SUMF2: variants seen among roughly 807,000 people sequenced by gnomAD.
SUMF2 encodes sulfatase modifying factor 2.
A neutral mutation model predicts 44.8 loss-of-function variants in SUMF2; 45 were observed. That is an observed-to-expected ratio of 1.00 (90% CI 0.79 to 1.29). The LOEUF is 1.29. Among genes scored for constraint, SUMF2 ranks in the 50% most tolerant of loss-of-function variants. SUMF2 has a pLI of 0.00. For missense variants in SUMF2, 418 were observed against 389.9 expected (o/e 1.07, Z -0.61); for synonymous variants, 148 against 150.4 (o/e 0.98, Z 0.12).
At position 56,079,522 on chromosome 7, in the gene SUMF2, T is replaced by C; in HGVS notation, c.822-6T>C. The stretch of plus-strand genomic sequence containing the variant: ...GTCTGTCCTCTCTCCCCTTCTCTGC[T>C]GGCAGGATGGGCAACACTCCAGATT... On this transcript the variant is annotated splice_region_variant and splice_polypyrimidine_tract_variant and intron_variant, in intron 8 of 8. Coordinates refer to ENST00000434526, the MANE Select transcript of SUMF2 (RefSeq NM_015411.4). 3 of 1,610,388 alleles carry C rather than the reference T, an allele frequency of 1.9e-6. No individual in the cohort carries two copies. Among genetic ancestry groups the C allele is most frequent in the Non-Finnish European group, 2.5e-6 (3 of 1,177,312 alleles).
rs542909238 is a variant in SUMF2, at chr7:56,079,572, G to A, written c.866G>A (p.Arg289His). ...PDSASDNLGF[R>H]CAADAGRPPG... ...TCAGCCTCAGACAACCTCGGTTTCC[G>A]CTGTGCTGCAGACGCAGGCCGGCCG... Residue 289 changes from arginine to histidine, a missense_variant, in exon 9 of 9, where the codon CGC becomes CAC. Physicochemically the swap from Arg to His is conservative, Grantham distance 29. Coordinates refer to ENST00000434526, the MANE Select transcript of SUMF2 (RefSeq NM_015411.4). 5.7e-5 allele frequency: 92 copies of A among 1,614,170 alleles called. 1 individual carries two copies. In the Middle Eastern group the frequency reaches 9.9e-4, roughly 17 times the overall value.
At position 56,064,304 on chromosome 7, in the gene SUMF2, C is replaced by T. The variant is rs374815604; in HGVS notation, c.-8C>T. The T allele has an allele frequency of 7.6e-6, 12 of 1,586,220 alleles. No individual in the cohort carries two copies. The African/African-American group carries it at 1.6e-4, about 21-fold the overall frequency. ...CGTGGGTGTACGCGGCGCAGCGCGG[C>T]AGTCCTGATGGCCCGGCATGGGTTA... On this transcript the variant is annotated 5_prime_UTR_variant, in exon 1 of 9. Coordinates refer to ENST00000434526, the MANE Select transcript of SUMF2 (RefSeq NM_015411.4).
At chr7:56,079,497 G>A in intron 8 of SUMF2, 31 bp from the exon 9 acceptor site, 1 of 1,595,880 alleles carries the variant, frequency 6.3e-7, no homozygotes, top group Non-Finnish European at 8.5e-7. Flanking sequence ...CTCAGGACGT[G>A]TCTGTCCTCT....
intron 8 of SUMF2, 54 bp from the exon 9 acceptor site, chr7:56,079,474 C>T: frequency 6.4e-7 from 1 of 1,551,960 alleles, no homozygotes; most frequent in South Asian, 1.2e-5. Context: ...ATGGGTAAGC[C>T]CTAGGCCTTT....
chr7:56,079,018 C>T (rs1188700956), intron 8 of SUMF2: 1 of 605,124 alleles, frequency 1.7e-6, no homozygotes, highest in Non-Finnish European at 3.0e-6. Context: ...CACCTCAGCT[C>T]CTCAAGTATC....
chr7:56,078,897 A>G, intron 8 of SUMF2: 1 of 483,862 alleles, frequency 2.1e-6, no homozygotes, highest in South Asian at 3.9e-5. Flanking sequence ...GGGCACACGA[A>G]AAATCTTTTT....
chr7:56,077,027 C>A, intron 6 of SUMF2, 138 bp downstream of exon 6: 11 of 593,456 alleles, frequency 1.9e-5, no homozygotes, highest in Non-Finnish European at 2.5e-5. Context: ...AAGCAAAAGA[C>A]AATGGGTCAT....
intron 3 of SUMF2, 121 bp from the exon 4 acceptor site, chr7:56,074,053 A>G (rs1795364752): frequency 2.5e-5 from 18 of 713,952 alleles, no homozygotes; most frequent in South Asian, 2.3e-4. Context: ...AATCAGCCAC[A>G]ACCTCACTTA....
intron 1 of SUMF2, among the ~76,000 whole-genome samples, chr7:56,065,190 C>CAAAAAA (rs60513641): frequency 1.8e-5 from 1 of 56,556 alleles, no homozygotes; most frequent in African/African-American, 6.8e-5. Context: ...GACTCCGTCT[C>CAAAAAA]AAAAAAAAAA....
intron 2 of SUMF2, among the ~76,000 whole-genome samples, chr7:56,070,582 A>G (rs1197773705): frequency 6.6e-6 from 1 of 151,702 alleles, no homozygotes; most frequent in Non-Finnish European, 1.5e-5. Flanking sequence ...GTGAGCCATG[A>G]TTGCACCACT....
chr7:56,074,289 C>A (rs951503234), intron 4 of SUMF2, 71 bp downstream of exon 4: 4 of 1,460,236 alleles, frequency 2.7e-6, no homozygotes, highest in Non-Finnish European at 9.6e-7. Context: ...AGCCTCCTCT[C>A]TACCCCTCGT....
downstream of SUMF2, chr7:56,081,674 A>C (rs763763410): frequency 1.2e-6 from 2 of 1,613,762 alleles, no homozygotes; most frequent in Non-Finnish European, 8.5e-7. This position sits in a 1 kb window ranked among gnomAD's most constrained non-coding sequence, Gnocchi z 4.6. Context: ...TCCTCCACCA[A>C]GTACTGCTGG....
chr7:56,083,727 G>C, downstream of SUMF2: 1 of 1,561,700 alleles, frequency 6.4e-7, no homozygotes, highest in South Asian at 1.2e-5. Context: ...TGTGGAAACA[G>C]AGGGTTGATA....
At position 56,079,872 on chromosome 7, in the gene SUMF2, C is replaced by A; in HGVS notation, c.*260C>A. The A allele has an allele frequency of 6.5e-7, 1 of 1,540,430 alleles. No homozygotes were observed. The highest frequency in any genetic ancestry group is 8.8e-7 in the Non-Finnish European group (1 of 1,140,458). On this transcript the variant is annotated 3_prime_UTR_variant, in exon 9 of 9. Coordinates refer to ENST00000434526, the MANE Select transcript of SUMF2 (RefSeq NM_015411.4). ...TCTGTTAGAGGCCAAGTATTATTGA[C>A]ACAGGATTGCAAACACACAAACAAT... is the stretch of plus-strand genomic sequence containing the variant.
Position 56,080,086 on chromosome 7 carries a change from C to A in SUMF2, c.*474C>A. Reference sequence around the variant, plus strand: ...TGGCCTCATCTGTGGTTTCGTGTCCCTCTGAAGGAAACTAGTTTCCACTGT... The same window carrying A: ...TGGCCTCATCTGTGGTTTCGTGTCCATCTGAAGGAAACTAGTTTCCACTGT... On this transcript the variant is annotated 3_prime_UTR_variant, in exon 9 of 9. Coordinates refer to ENST00000434526, the MANE Select transcript of SUMF2 (RefSeq NM_015411.4). The A allele has an allele frequency of 1.8e-6, 1 of 568,054 alleles. No individual in the cohort carries two copies. The highest frequency in any genetic ancestry group is 2.2e-5 in the South Asian group (1 of 46,016). 35.2% of individuals were successfully genotyped at this position (568,054 alleles called of 1,614,324 possible).
At chr7:56,073,154 C>T (rs1211479345) in intron 3 of SUMF2, 43 bp downstream of exon 3, 3 of 1,491,778 alleles carry the variant, frequency 2.0e-6, no homozygotes, top group South Asian at 2.3e-5. Context: ...AGGAGTGGGA[C>T]CTGGACAGGG....
At chr7:56,085,746 C>T in the SUMF2 span, among the ~76,000 whole-genome samples, 3 of 152,040 alleles carry the variant, frequency 2.0e-5, no homozygotes, top group Non-Finnish European at 4.4e-5. Flanking sequence ...GAGTGGATCA[C>T]TTGAGGTCAG....
chr7:56,087,624 C>T, the SUMF2 span: 14 of 1,613,710 alleles, frequency 8.7e-6, no homozygotes, highest in African/African-American at 1.3e-5. Flanking sequence ...TGAGACCTTG[C>T]GCAGGATGTC....
chr7:56,075,210 C>T (rs1396315605), intron 5 of SUMF2, among the ~76,000 whole-genome samples: 1 of 149,780 alleles, frequency 6.7e-6, no homozygotes, highest in African/African-American at 2.5e-5. Flanking sequence ...ATTTCTAGTC[C>T]ATCTCAGACT....
Sources: gnomAD v4.1 joint callset for allele counts (sites outside exome capture counted in the v4.1 genomes callset) on GRCh38, gnomAD v4.1.1 for gene constraint, Gnocchi (gnomAD v3.1) non-coding constraint, MANE v1.5 for transcripts, NCBI Gene and HGNC (gene_info 2026-07-23, HGNC 2026-07-21) for gene names.